The following SOX5 variants were observed in gnomAD, a reference collection of about 807,000 sequenced individuals.
SOX5 encodes transcription factor SOX-5.
A neutral mutation model predicts 92.0 loss-of-function variants in SOX5; 9 were observed. The ratio of observed to expected loss-of-function variants is 0.10; its 90% confidence interval spans 0.06 to 0.17. The LOEUF (loss-of-function observed/expected upper bound fraction) is 0.17. SOX5 is among the 10% of genes least tolerant of loss of function. The probability of loss-of-function intolerance (pLI) is 1.00; values close to 1 mark genes in which losing one functional copy is unlikely to be tolerated. For missense variants in SOX5, 642 were observed against 944.5 expected (o/e 0.68, Z 4.20); for synonymous variants, 344 against 336.3 (o/e 1.02, Z -0.25).
At chr12:23,579,294 G>T (rs1199334139) in intron 9 of SOX5, among the ~76,000 whole-genome samples, 1 of 152,114 alleles carries the variant, frequency 6.6e-6, no homozygotes, top group Non-Finnish European at 1.5e-5. Flanking sequence ...CATAACAGAG[G>T]TTGACAGTTC....
chr12:23,949,455 G>T, intron 1 of SOX5, 109 bp downstream of exon 1: 1 of 1,337,502 alleles, frequency 7.5e-7, no homozygotes, highest in East Asian at 2.3e-5. Flanking sequence ...CCTAGCTAAA[G>T]GCTTCTCTAA....
At chr12:23,555,874 A>C (rs1428092965) in intron 11 of SOX5, among the ~76,000 whole-genome samples, 6 of 152,198 alleles carry the variant, frequency 3.9e-5, no homozygotes, top group Non-Finnish European at 7.4e-5. Context: ...AAGAAATGAA[A>C]AGACACAGAA....
chr12:24,374,968 T>C (rs1957106916), intron 1 of SOX5, among the ~76,000 whole-genome samples: 1 of 152,082 alleles, frequency 6.6e-6, no homozygotes, highest in Non-Finnish European at 1.5e-5. Flanking sequence ...TGGTGTCTCT[T>C]ATTTTTATTT....
intron 2 of SOX5, among the ~76,000 whole-genome samples, chr12:24,325,673 CAT>C (rs1950611036): frequency 6.6e-6 from 1 of 152,118 alleles, no homozygotes; most frequent in South Asian, 2.1e-4. Flanking sequence ...GTGGAAAAGA[CAT>C]GTTTTAGATA....
At chr12:23,633,648 G>C (rs1350269386) in intron 8 of SOX5, among the ~76,000 whole-genome samples, 2 of 151,884 alleles carry the variant, frequency 1.3e-5, no homozygotes, top group African/African-American at 4.8e-5. Context: ...GAAGAGAGAA[G>C]GTAAACTCAG....
intron 9 of SOX5, among the ~76,000 whole-genome samples, chr12:23,603,193 T>C (rs2074742016): frequency 6.6e-6 from 1 of 151,860 alleles, no homozygotes; most frequent in Non-Finnish European, 1.5e-5. Flanking sequence ...CCCTTCTCCT[T>C]ACTGATTTAC....
intron 6 of SOX5, among the ~76,000 whole-genome samples, chr12:23,720,666 T>G (rs1180166788): frequency 6.6e-6 from 1 of 152,186 alleles, no homozygotes; most frequent in Non-Finnish European, 1.5e-5. Flanking sequence ...TTGTTAAAGT[T>G]TTTTATATGT....
intron 3 of SOX5, among the ~76,000 whole-genome samples, chr12:24,248,674 TG>T (rs1339410921): frequency 2.0e-5 from 3 of 152,214 alleles, no homozygotes; most frequent in African/African-American, 7.2e-5. Context: ...TGTAAGTCAC[TG>T]CGCCTGGCCC....
intron 4 of SOX5, among the ~76,000 whole-genome samples, chr12:24,173,786 C>T (rs911274040): frequency 1.3e-5 from 2 of 152,108 alleles, no homozygotes; most frequent in East Asian, 3.9e-4. Flanking sequence ...TGAACGTCCA[C>T]TGTAAATTCT....
At chr12:23,695,696 C>T (rs1275825472) in intron 6 of SOX5, among the ~76,000 whole-genome samples, 5 of 152,178 alleles carry the variant, frequency 3.3e-5, no homozygotes, top group South Asian at 2.1e-4. Flanking sequence ...AATCCCAGCA[C>T]TTTGGGAGGC....
intron 1 of SOX5, among the ~76,000 whole-genome samples, chr12:24,519,921 T>C (rs1050031391): frequency 6.6e-6 from 1 of 151,984 alleles, no homozygotes; most frequent in Non-Finnish European, 1.5e-5. Context: ...AAGAGAATTT[T>C]GAAACAAGAG....
chr12:23,890,510 G>T (rs1171235000), intron 2 of SOX5, among the ~76,000 whole-genome samples: 1 of 152,038 alleles, frequency 6.6e-6, no homozygotes, highest in Non-Finnish European at 1.5e-5. Flanking sequence ...ACCAACAGAA[G>T]TAGCAAAGAA....
intron 6 of SOX5, among the ~76,000 whole-genome samples, chr12:23,731,715 C>T (rs1404364227): frequency 6.6e-6 from 1 of 152,158 alleles, no homozygotes; most frequent in African/African-American, 2.4e-5. Context: ...CTGTCTACCC[C>T]ACTTGATGTA....
At chr12:24,487,714 C>T (rs1025495389) in intron 1 of SOX5, among the ~76,000 whole-genome samples, 2 of 152,160 alleles carry the variant, frequency 1.3e-5, no homozygotes, top group African/African-American at 4.8e-5. Flanking sequence ...CAAGAAAAGA[C>T]AGTGAATATT....
rs1940510887 is a variant in SOX5, at chr12:23,536,539, C to T, written c.1902G>A (p.Leu634=). The T allele has an allele frequency of 6.2e-7, 1 of 1,614,168 alleles. No homozygotes were observed. Among genetic ancestry groups the T allele is most frequent in the African/African-American group, 1.3e-5 (1 of 75,042 alleles). ...CAATGCGCAGCTTTTTGCCATCCAC[C>T]AGGCAGGTGCGCTTTGGCCTGGGCT... is the stretch of plus-strand genomic sequence containing the variant. ...KYKPRPKRTC[L]VDGKKLRIGE... is the part of the protein sequence containing the mutation. The change falls in exon 14 of 15, where the codon CTG becomes CTA. Residue 634 remains leucine (L), a synonymous_variant. Coordinates refer to ENST00000451604, the MANE Select transcript of SOX5 (RefSeq NM_006940.6).
chr12:24,502,448 T>A (rs1948307503), intron 1 of SOX5, among the ~76,000 whole-genome samples: 1 of 152,132 alleles, frequency 6.6e-6, no homozygotes, highest in Non-Finnish European at 1.5e-5. Flanking sequence ...TATTCATGAA[T>A]CTACATTGAT....
intron 4 of SOX5, among the ~76,000 whole-genome samples, chr12:23,996,664 C>T (rs1951059618): frequency 6.6e-6 from 1 of 152,202 alleles, no homozygotes; most frequent in Non-Finnish European, 1.5e-5. Context: ...TTACAATGTA[C>T]ATGAGCCTCC....
chr12:23,715,299 A>C (rs2092409913), intron 6 of SOX5, among the ~76,000 whole-genome samples: 1 of 151,824 alleles, frequency 6.6e-6, no homozygotes, highest in Non-Finnish European at 1.5e-5. Context: ...TCTCAAAATA[A>C]AATAAAATAA....
chr12:23,691,545 A>T (rs977428110), intron 6 of SOX5, among the ~76,000 whole-genome samples: 8 of 152,302 alleles, frequency 5.3e-5, no homozygotes, highest in African/African-American at 1.9e-4. Context: ...CACTAAGTCA[A>T]TTTATTTAAT....
Sources: allele counts gnomAD v4.1 joint callset (sites outside exome capture counted in the v4.1 genomes callset), GRCh38; gene constraint gnomAD v4.1.1; transcripts MANE v1.5; gene names NCBI Gene and HGNC (gene_info 2026-07-23, HGNC 2026-07-21).